Variants in DCC observed in about 807,000 individuals in gnomAD.
DCC encodes DCC netrin 1 receptor.
In DCC, 58 loss-of-function variants were observed where a neutral mutation model predicts 172.5. The observed-to-expected ratio is 0.34, with a 90% CI of 0.27 to 0.42. The LOEUF is 0.42. DCC is among the 10% of genes least tolerant of loss of function. DCC has a pLI of 1.00. For missense variants in DCC, 1,740 were observed against 1,791.0 expected (o/e 0.97, Z 0.51); for synonymous variants, 709 against 644.5 (o/e 1.10, Z -1.52).
intron 2 of DCC, chr18:52,757,135 G>T (rs1168346360): frequency 6.6e-6 from 1 of 152,114 alleles, no homozygotes; most frequent in Non-Finnish European, 1.5e-5. Context: ...TGGAATAAAA[G>T]ATTCATTTTT....
intron 2 of DCC, among the ~76,000 whole-genome samples, chr18:52,835,043 T>A (rs2038680935): frequency 6.6e-6 from 1 of 152,226 alleles, no homozygotes; most frequent in South Asian, 2.1e-4. Context: ...TGTCTTATTT[T>A]ACATGTTTTC....
At chr18:53,155,096 C>CT (rs111610643) in intron 7 of DCC, among the ~76,000 whole-genome samples, 3,909 of 144,266 alleles carry the variant, frequency 0.027, 56 homozygotes, top group Non-Finnish European at 0.032. Context: ...ACTTTGAATA[C>CT]TTTTTTTTTT....
chr18:52,786,290 C>T (rs2037657754), intron 2 of DCC, among the ~76,000 whole-genome samples: 2 of 152,142 alleles, frequency 1.3e-5, no homozygotes, highest in East Asian at 1.9e-4. Context: ...TGTTACCCAT[C>T]CCTTTTTGTT....
intron 1 of DCC, among the ~76,000 whole-genome samples, chr18:52,699,898 A>G (rs1428145258): frequency 1.3e-5 from 2 of 152,156 alleles, no homozygotes; most frequent in African/African-American, 2.4e-5. Context: ...AACATGTACA[A>G]TGGTCTTTAG....
intron 1 of DCC, among the ~76,000 whole-genome samples, chr18:52,388,876 G>A (rs554224502): frequency 6.6e-6 from 1 of 152,238 alleles, no homozygotes; most frequent in African/African-American, 2.4e-5. Flanking sequence ...ATAAGCTCAA[G>A]TGCATTTGAG....
At chr18:52,767,322 G>C (rs927365314) in intron 2 of DCC, among the ~76,000 whole-genome samples, 1 of 152,048 alleles carries the variant, frequency 6.6e-6, no homozygotes, top group African/African-American at 2.4e-5. Flanking sequence ...AGTAAAGTTT[G>C]TCATGGCTTT....
Position 53,091,344 on chromosome 18 carries a change from T to A in DCC, c.1261+25178T>A, listed in dbSNP as rs570548750. On this transcript the variant is annotated intron_variant, in intron 7 of 28. Transcript: ENST00000442544. ...TCTACCAAATATATATATATATAAA[T>A]ATATGAAAATATATATACTAATATA... Among the ~76,000 whole-genome samples the A allele has an allele frequency of 1.5e-4, 22 of 147,784 alleles. 1 individual carries two copies. The highest frequency in any genetic ancestry group is 4.7e-4 in the African/African-American group (19 of 40,718).
chr18:53,190,895 G>A (rs1207844592), intron 9 of DCC, among the ~76,000 whole-genome samples: 1 of 152,138 alleles, frequency 6.6e-6, no homozygotes, highest in Non-Finnish European at 1.5e-5. Flanking sequence ...GCAGTGAGCC[G>A]AGATCGCGTC....
At chr18:52,586,966 G>A (rs1041179448) in intron 1 of DCC, among the ~76,000 whole-genome samples, 1 of 152,178 alleles carries the variant, frequency 6.6e-6, no homozygotes, top group African/African-American at 2.4e-5. Flanking sequence ...CAGAGGCAAT[G>A]CTGTATGGAA....
At chr18:52,407,858 C>T (rs1986706407) in intron 1 of DCC, among the ~76,000 whole-genome samples, 1 of 152,076 alleles carries the variant, frequency 6.6e-6, no homozygotes, top group African/African-American at 2.4e-5. Flanking sequence ...CCATGGCCTA[C>T]ATTTCTGTGG....
intron 1 of DCC, among the ~76,000 whole-genome samples, chr18:52,540,435 A>C (rs1489940621): frequency 2.0e-5 from 3 of 151,976 alleles, no homozygotes; most frequent in Admixed American, 1.3e-4. Flanking sequence ...TCAAAAAAAA[A>C]CCATATTTTA....
At chr18:52,852,613 CTTACCAAGTGTCTATTTGGTTAAAAT>C (rs557618446) in intron 2 of DCC, among the ~76,000 whole-genome samples, 4,047 of 152,116 alleles carry the variant, frequency 0.027, 158 homozygotes, top group African/African-American at 0.089. Context: ...TAAATAGACA[CTTACCAAGTGTCTATTTGGTTAAAAT>C]TTGGTTAAAA....
At chr18:53,190,862 C>T (rs749938459) in intron 9 of DCC, among the ~76,000 whole-genome samples, 5 of 152,072 alleles carry the variant, frequency 3.3e-5, no homozygotes, top group Admixed American at 6.5e-5. Flanking sequence ...AGGAGAATGG[C>T]GTGAACCTGG....
intron 27 of DCC, 103 bp downstream of exon 27, chr18:53,499,613 C>A (rs898812245): frequency 1.2e-5 from 11 of 956,506 alleles, no homozygotes; most frequent in Non-Finnish European, 1.7e-5. Flanking sequence ...TATATCTTTT[C>A]AATGCTGATT....
In DCC at chr18:52,744,679, TTC is replaced by T. The variant is rs1019819158; in HGVS notation, c.92-7367_92-7366del. ...GCTGGTCCTTTGGTGAGTGCACACT[TTC>T]TCTCTCTGGTCTAGCGGAAATTAAA... On this transcript the variant is annotated intron_variant, in intron 1 of 28. Transcript: ENST00000442544. Among the ~76,000 whole-genome samples, 9 of 152,282 alleles carry T rather than the reference TTC, an allele frequency of 5.9e-5. No homozygotes were observed. In the South Asian group the frequency reaches 1.2e-3, roughly 21 times the overall value.
At chr18:53,345,985 G>A (rs2057719047) in intron 15 of DCC, among the ~76,000 whole-genome samples, 1 of 151,632 alleles carries the variant, frequency 6.6e-6, no homozygotes, top group African/African-American at 2.4e-5. Context: ...TTTGTTTTAA[G>A]TTTTATTATT....
intron 5 of DCC, among the ~76,000 whole-genome samples, chr18:52,977,742 G>A (rs112405542): frequency 1.6e-4 from 25 of 151,760 alleles, no homozygotes; most frequent in African/African-American, 2.9e-4. Context: ...AAAATTAGCC[G>A]GACGTGGTGG....
Position 53,533,565 on chromosome 18 carries a change from CTT to C in DCC, c.*2913_*2914del. ...TGCAGAAATTTCTGCATTTGTGAAA[CTT>C]ATAAAAATTTAGATAGTTCAAATGT... On this transcript the variant is annotated 3_prime_UTR_variant, in exon 29 of 29. Transcript: ENST00000442544. 1 of 152,042 alleles carries C rather than the reference CTT, an allele frequency of 6.6e-6. No individual in the cohort carries two copies. The highest frequency in any genetic ancestry group is 6.5e-5 in the Admixed American group (1 of 15,280). The allele number at this position is 152,042 out of a possible 1,614,324, so 9.4% of individuals were successfully genotyped here. A position where few individuals can be genotyped will look rare whatever the true frequency, so the allele number is the denominator to read the frequency against.
At chr18:53,103,868 T>C (rs935560293) in intron 7 of DCC, among the ~76,000 whole-genome samples, 17 of 152,010 alleles carry the variant, frequency 1.1e-4, no homozygotes, top group Admixed American at 6.6e-4. Context: ...TTATATTAAC[T>C]GGACCAATAC....
Sources: allele counts gnomAD v4.1 joint callset (sites outside exome capture counted in the v4.1 genomes callset), GRCh38; gene constraint gnomAD v4.1.1; transcripts MANE v1.5; gene names NCBI Gene and HGNC (gene_info 2026-07-23, HGNC 2026-07-21).